Variants in CBFA2T3 observed in about 807,000 individuals in gnomAD.
The protein encoded by CBFA2T3 is transcriptional corepressor CBFA2T3.
Under a neutral mutation model 58.6 loss-of-function variants are expected in CBFA2T3, and 31 were observed. That is an observed-to-expected ratio of 0.53 (90% CI 0.40 to 0.71). CBFA2T3 has a LOEUF of 0.71. CBFA2T3 is among the 30% of genes least tolerant of loss of function. The pLI is 0.00. For synonymous variants in CBFA2T3, 531 were observed against 421.9 expected, an observed-to-expected ratio of 1.26 and a Z score of -3.17; for missense variants, 1,076 against 963.1, an observed-to-expected ratio of 1.12 and a Z score of -1.55.
chr16:88,912,728 C>T (rs1004837609), intron 1 of CBFA2T3, among the ~76,000 whole-genome samples: 3 of 152,252 alleles, frequency 2.0e-5, no homozygotes, highest in Admixed American at 1.3e-4. Flanking sequence ...GACAAAGCCC[C>T]CTATCTGCCT....
intron 5 of CBFA2T3, among the ~76,000 whole-genome samples, chr16:88,889,366 C>CGGAG (rs1969530324): frequency 2.2e-5 from 1 of 46,192 alleles, no homozygotes; most frequent in Admixed American, 3.0e-4. Context: ...ACTGGGGCAG[C>CGGAG]GGAGGGAGGG....
intron 2 of CBFA2T3, among the ~76,000 whole-genome samples, chr16:88,899,601 G>A (rs192770716): frequency 5.9e-5 from 9 of 152,170 alleles, no homozygotes; most frequent in Admixed American, 4.6e-4. Context: ...AGAGCCCGAC[G>A]CTCTGCTGAT....
At chr16:88,911,246 G>A (rs1466527013) in intron 1 of CBFA2T3, among the ~76,000 whole-genome samples, 1 of 152,264 alleles carries the variant, frequency 6.6e-6, no homozygotes, top group Non-Finnish European at 1.5e-5. Context: ...GCCTGTGGGT[G>A]ATGACGATGG....
Position 88,958,471 on chromosome 16 carries a change from G to A in CBFA2T3, c.151+18186C>T, listed in dbSNP as rs1201436993. Among the ~76,000 whole-genome samples, 4 of 152,128 alleles carry A rather than the reference G, an allele frequency of 2.6e-5. No homozygotes were observed. The highest frequency in any genetic ancestry group is 1.9e-4 in the East Asian group (1 of 5,182). On this transcript the variant is annotated intron_variant, in intron 1 of 11. Transcript: ENST00000268679. This position sits in a 1 kb window ranked among gnomAD's most constrained non-coding sequence, Gnocchi z 4.0. ...GGGGAAGAAGGTTCTGGGGCGGGGC[G>A]TTAGAGTGACACCAGGTCCCGGTGC...
In CBFA2T3 at chr16:88,953,976, C is replaced by A. The variant is rs1972143983; in HGVS notation, c.151+22681G>T. ...AGGGCAGGCGGCCTCTAACAGCTGACACCATGTCAGGACAGTGGCTACCTA... is the reference window on the plus strand; with the variant it reads ...AGGGCAGGCGGCCTCTAACAGCTGAAACCATGTCAGGACAGTGGCTACCTA... On this transcript the variant is annotated intron_variant, in intron 1 of 11. Transcript: ENST00000268679. This position sits in a 1 kb window ranked among gnomAD's most constrained non-coding sequence, Gnocchi z 4.9. Among the ~76,000 whole-genome samples the A allele has an allele frequency of 6.6e-6, 1 of 152,242 alleles. No homozygotes were observed. The highest frequency in any genetic ancestry group is 2.1e-4 in the South Asian group (1 of 4,832).
chr16:88,956,367 C>T (rs547834826), intron 1 of CBFA2T3, among the ~76,000 whole-genome samples: 8 of 152,278 alleles, frequency 5.3e-5, no homozygotes, highest in African/African-American at 7.2e-5. Flanking sequence ...CGGGACACAG[C>T]GTGTCCGCCT....
intron 1 of CBFA2T3, among the ~76,000 whole-genome samples, chr16:88,920,646 G>A (rs1342931978): frequency 2.0e-5 from 3 of 152,214 alleles, no homozygotes; most frequent in Non-Finnish European, 2.9e-5. Flanking sequence ...TGGTGACGGA[G>A]TGGCAGGAGG....
chr16:88,917,850 CAG>C (rs1034496174), intron 1 of CBFA2T3, among the ~76,000 whole-genome samples: 5 of 151,402 alleles, frequency 3.3e-5, no homozygotes, highest in African/African-American at 1.2e-4. Flanking sequence ...GTGTGGACGA[CAG>C]AGTGGGTGCG....
Position 88,875,729 on chromosome 16 carries a change from A to G in CBFA2T3, c.*1247T>C. On this transcript the variant is annotated 3_prime_UTR_variant, in exon 12 of 12. Coordinates refer to ENST00000268679, the MANE Select transcript of CBFA2T3 (RefSeq NM_005187.6). ...GAGGCCTGCTGGCTCCGCATGCTCG[A>G]AAAGCAGTCGAGAATCAACCCAAAA... The G allele has an allele frequency of 4.3e-6, 1 of 233,588 alleles. No homozygotes were observed. Among genetic ancestry groups the G allele is most frequent in the Non-Finnish European group, 8.5e-6 (1 of 118,064 alleles). 14.5% of individuals were successfully genotyped at this position (233,588 alleles called of 1,614,324 possible). A position where few individuals can be genotyped will look rare whatever the true frequency, so the allele number is the denominator to read the frequency against.
rs928559137 is a variant in CBFA2T3, at chr16:88,886,123, T to C, written c.731A>G (p.Gln244Arg). ...PFLKANLPLL[Q>R]RELLHCARLA... ...GCGTGCACAGTGCAGGAGCTCCCGC[T>C]GCAGCAAGGGCAGGTTTGCCTGTGG... The change falls in exon 6 of 12, where the codon CAG becomes CGG. Residue 244 changes from glutamine to arginine, a missense_variant. By Grantham distance (43) the Gln-to-Arg change is conservative. Coordinates refer to ENST00000268679, the MANE Select transcript of CBFA2T3 (RefSeq NM_005187.6). The C allele has an allele frequency of 6.5e-7, 1 of 1,549,994 alleles. No individual in the cohort carries two copies. The highest frequency in any genetic ancestry group is 8.7e-7 in the Non-Finnish European group (1 of 1,153,912).
chr16:88,881,099 C>A, intron 9 of CBFA2T3, 192 bp downstream of exon 9: 1 of 723,236 alleles, frequency 1.4e-6, no homozygotes. Context: ...GCCTCTGGCC[C>A]ACCAGACGCT....
At chr16:88,942,993 A>G (rs1375817929) in intron 1 of CBFA2T3, among the ~76,000 whole-genome samples, 3 of 152,194 alleles carry the variant, frequency 2.0e-5, no homozygotes, top group African/African-American at 7.2e-5. Context: ...TATGCTCGAA[A>G]TTTATCCATC....
At chr16:88,956,735 G>A (rs1019773862) in intron 1 of CBFA2T3, among the ~76,000 whole-genome samples, 19 of 152,338 alleles carry the variant, frequency 1.2e-4, no homozygotes, top group South Asian at 4.1e-4. Flanking sequence ...CGCTCCAGGC[G>A]TGGGCGGCGG....
At chr16:88,882,602 G>A (rs1969165341) in intron 8 of CBFA2T3, 74 bp downstream of exon 8, 6 of 886,370 alleles carry the variant, frequency 6.8e-6, no homozygotes, top group Admixed American at 6.2e-5. Flanking sequence ...ATGGCTGTGT[G>A]TGCGTGGCTG....
Position 88,880,774 on chromosome 16 carries a change from A to G in CBFA2T3, c.1417T>C (p.Phe473Leu). Residue 473 changes from phenylalanine to leucine, a missense_variant, in exon 10 of 12, where the codon TTC (phenylalanine) becomes CTC (leucine). Coordinates refer to ENST00000268679, the MANE Select transcript of CBFA2T3 (RefSeq NM_005187.6). Reference sequence around the variant, plus strand: ...TAGCCGGTGAGGGTCCTCGGCAGGAACTCGCGAGGCACGTCTGAAACAGGG... The same window carrying G: ...TAGCCGGTGAGGGTCCTCGGCAGGAGCTCGCGAGGCACGTCTGAAACAGGG... ...EGPQLDVPRE[F>L]LPRTLTGYVP... The G allele has an allele frequency of 6.3e-7, 1 of 1,584,628 alleles. No homozygotes were observed. Among genetic ancestry groups the G allele is most frequent in the Non-Finnish European group, 8.6e-7 (1 of 1,165,058 alleles).
chr16:88,908,433 G>T (rs557876506), intron 1 of CBFA2T3, among the ~76,000 whole-genome samples: 3 of 152,190 alleles, frequency 2.0e-5, no homozygotes, highest in African/African-American at 4.8e-5. Context: ...TTTCCCAGAC[G>T]GCACATCCAG....
At chr16:88,895,617 G>C (rs150051681) in intron 3 of CBFA2T3, among the ~76,000 whole-genome samples, 3 of 151,730 alleles carry the variant, frequency 2.0e-5, no homozygotes, top group Admixed American at 2.0e-4. Flanking sequence ...TTGGTGGAGC[G>C]GGGGGAACAG....
At chr16:88,892,574 G>T in intron 3 of CBFA2T3, 89 bp from the exon 4 acceptor site, 1 of 1,422,778 alleles carries the variant, frequency 7.0e-7, no homozygotes, top group Non-Finnish European at 9.8e-7. Flanking sequence ...CAGCGACTAA[G>T]GTGACAATGT....
chr16:88,922,524 G>C (rs780532877), intron 1 of CBFA2T3, among the ~76,000 whole-genome samples: 5 of 152,228 alleles, frequency 3.3e-5, no homozygotes, highest in Non-Finnish European at 5.9e-5. Flanking sequence ...CTGAGTCCCA[G>C]GGCCTGGCCA....
Sources: allele counts gnomAD v4.1 joint callset (sites outside exome capture counted in the v4.1 genomes callset), GRCh38; gene constraint gnomAD v4.1.1; non-coding constraint Gnocchi (gnomAD v3.1); transcripts MANE v1.5; gene names NCBI Gene and HGNC (gene_info 2026-07-23, HGNC 2026-07-21).